Variants in BEAN1 observed in about 807,000 individuals in gnomAD.
The protein encoded by BEAN1 is protein BEAN1.
Under a neutral mutation model 17.7 loss-of-function variants are expected in BEAN1, and 17 were observed. The observed-to-expected ratio is 0.96, with a 90% CI of 0.66 to 1.44. The LOEUF is 1.44. Ranked by LOEUF, BEAN1 falls within the 40% of genes most tolerant of loss-of-function variation. The pLI is 0.00. For missense variants in BEAN1, 359 were observed against 374.1 expected (o/e 0.96, Z 0.33); for synonymous variants, 142 against 151.8 (o/e 0.94, Z 0.47).
At chr16:66,453,251 A>C (rs2142402856) in intron 2 of BEAN1, among the ~76,000 whole-genome samples, 1 of 151,890 alleles carries the variant, frequency 6.6e-6, no homozygotes, top group East Asian at 1.9e-4. Flanking sequence ...TTCTAATATA[A>C]GTATTTAAAG....
chr16:66,480,846 CAGACCCAGGGCCA>C lies in BEAN1; in HGVS notation c.704_716del (p.Asp235GlyfsTer40). ...TCAGGCCTGCTGCCACTGCCGGGCC[CAGACCCAGGGCCA>C]AGGGGCTCCCAGGGCTCACCCACCC... On this transcript the variant is annotated frameshift_variant, in exon 5 of 5. Transcript: ENST00000536005. LOFTEE classifies it low-confidence loss of function (END_TRUNC). The C allele has an allele frequency of 6.6e-7, 1 of 1,520,848 alleles. No homozygotes were observed. The highest frequency in any genetic ancestry group is 1.2e-5 in the South Asian group (1 of 80,368). The allele number at this position is 1,520,848 out of a possible 1,614,324, so 94.2% of individuals were successfully genotyped here.
intron 2 of BEAN1, among the ~76,000 whole-genome samples, chr16:66,461,752 G>C (rs139111723): frequency 2.0e-5 from 3 of 152,136 alleles, no homozygotes; most frequent in Admixed American, 6.5e-5. Flanking sequence ...GAGCCCCATC[G>C]GGGACAAGAC....
chr16:66,488,329 G>A (rs960269966), intron 4 of BEAN1, among the ~76,000 whole-genome samples: 5 of 152,046 alleles, frequency 3.3e-5, no homozygotes, highest in African/African-American at 1.2e-4. Context: ...AAAACTGCCT[G>A]GGGTCGAAGA....
chr16:66,470,045 G>A (rs1322360614), intron 3 of BEAN1, 180 bp downstream of exon 3: 3 of 827,028 alleles, frequency 3.6e-6, no homozygotes, highest in Non-Finnish European at 5.5e-6. Context: ...TCGGTGACAT[G>A]AGAGGCCCGG....
At chr16:66,448,085 C>T (rs1018356238) in intron 2 of BEAN1, among the ~76,000 whole-genome samples, 1 of 152,160 alleles carries the variant, frequency 6.6e-6, no homozygotes, top group African/African-American at 2.4e-5. Context: ...ACAGTCAGAC[C>T]AGCAAAACTT....
At chr16:66,441,208 C>T (rs564075481) in intron 2 of BEAN1, among the ~76,000 whole-genome samples, 2 of 152,152 alleles carry the variant, frequency 1.3e-5, no homozygotes, top group South Asian at 2.1e-4. Flanking sequence ...ACTGAACAAG[C>T]GAATGAGTCA....
chr16:66,481,049 T>A lies in BEAN1; in HGVS notation c.*124T>A. ...TCATAACACACACATAGACCAAACT[T>A]GTATACACACAGACATCTACACTGA... On this transcript the variant is annotated 3_prime_UTR_variant, in exon 5 of 5. Transcript: ENST00000536005. The surrounding 1 kb of genome is among the most constrained non-coding windows in gnomAD (Gnocchi z 4.1). 1.4e-6 allele frequency: 1 copy of A among 718,374 alleles called. No homozygotes were observed. Among genetic ancestry groups the A allele is most frequent in the Non-Finnish European group, 2.1e-6 (1 of 479,810 alleles). 44.5% of individuals were successfully genotyped at this position (718,374 alleles called of 1,614,324 possible).
At chr16:66,461,428 G>A (rs573857789) in intron 2 of BEAN1, among the ~76,000 whole-genome samples, 8 of 152,300 alleles carry the variant, frequency 5.3e-5, no homozygotes, top group Non-Finnish European at 1.0e-4. Flanking sequence ...CGCCCATCTG[G>A]TAATGAGCCT....
chr16:66,491,010 A>C (rs8050075), intron 4 of BEAN1, among the ~76,000 whole-genome samples: 22,622 of 152,138 alleles, frequency 0.15, 3,071 homozygotes, highest in African/African-American at 0.33. Flanking sequence ...ACAGGACTCT[A>C]TCCTCCATAT....
exon 5 of BEAN1, chr16:66,493,328 G>C: frequency 1.4e-6 from 1 of 692,024 alleles, no homozygotes; most frequent in Non-Finnish European, 2.6e-6. Flanking sequence ...GGTGGGGTCC[G>C]AGACGGCCCT....
rs1270425206 is a variant in BEAN1 at position 66,473,031 on chromosome 16, A to T, written c.289+3166A>T. 1.3e-5 allele frequency among the ~76,000 whole-genome samples: 2 copies of T among 152,048 alleles called. No individual in the cohort carries two copies. Among genetic ancestry groups the T allele is most frequent in the East Asian group, 1.9e-4 (1 of 5,182 alleles). On this transcript the variant is annotated intron_variant, in intron 3 of 4. Coordinates refer to ENST00000536005, the MANE Select transcript of BEAN1 (RefSeq NM_001178020.3). The surrounding 1 kb of genome is among the most constrained non-coding windows in gnomAD (Gnocchi z 4.5). The stretch of plus-strand genomic sequence containing the variant: ...AGAGAGACCCTGTCTCTAAAAAAAT[A>T]AAAAAATTAAGACTGGGAAACTGAG...
At position 66,439,548 on chromosome 16, in the gene BEAN1, C is replaced by T. The variant is rs556325455; in HGVS notation, c.25+1847C>T. 2.5e-3 allele frequency among the ~76,000 whole-genome samples: 374 copies of T among 152,282 alleles called. 1 individual carries two copies. Among genetic ancestry groups the T allele is most frequent in the African/African-American group, 8.8e-3 (365 of 41,564 alleles). ...AGGCCATTGGAAGCTGGGTCCATCT[C>T]ACTAACAGAGGCCATCCCTGCAGGG... On this transcript the variant is annotated intron_variant, in intron 2 of 4. Coordinates refer to ENST00000536005, the MANE Select transcript of BEAN1 (RefSeq NM_001178020.3).
intron 2 of BEAN1, among the ~76,000 whole-genome samples, chr16:66,468,683 G>A (rs1963349605): frequency 6.6e-6 from 1 of 152,140 alleles, no homozygotes; most frequent in Non-Finnish European, 1.5e-5. Context: ...TAAGTTGCAG[G>A]GCTGAGTTGG....
chr16:66,463,684 G>A (rs963821804), intron 2 of BEAN1, among the ~76,000 whole-genome samples: 7 of 152,088 alleles, frequency 4.6e-5, no homozygotes, highest in African/African-American at 1.2e-4. Flanking sequence ...TTCTGGTGTC[G>A]TATCTAAGAA....
chr16:66,428,780 G>A (rs181055301), intron 1 of BEAN1, among the ~76,000 whole-genome samples: 1 of 152,326 alleles, frequency 6.6e-6, no homozygotes, highest in Non-Finnish European at 1.5e-5. Flanking sequence ...CAGTGCCTCT[G>A]AATCTGAAGT....
At chr16:66,470,154 G>A (rs1463848874) in intron 3 of BEAN1, 1 of 520,454 alleles carries the variant, frequency 1.9e-6, no homozygotes, top group East Asian at 3.2e-5. Context: ...ACCAAGGGCT[G>A]GTCCATCTGG....
At chr16:66,466,102 C>T (rs1250507429) in intron 2 of BEAN1, among the ~76,000 whole-genome samples, 1 of 152,208 alleles carries the variant, frequency 6.6e-6, no homozygotes, top group East Asian at 1.9e-4. Flanking sequence ...GTGTGAGCCA[C>T]CGCAGCCGGC....
Position 66,437,702 on chromosome 16 carries a change from G to C in BEAN1, c.25+1G>C, listed in dbSNP as rs1310902973. 7 of 1,535,674 alleles carry C rather than the reference G, an allele frequency of 4.6e-6. No homozygotes were observed. The South Asian group carries it at 8.3e-5, about 18-fold the overall frequency. The stretch of plus-strand genomic sequence containing the variant: ...ATGTCCTTCAAACGTCCCTGCCCCT[G>C]TAAGTTTCCTCCCCACATCCTTCCA... On this transcript the variant is annotated splice_donor_variant, in intron 2 of 4. Coordinates refer to ENST00000536005, the MANE Select transcript of BEAN1 (RefSeq NM_001178020.3). LOFTEE classifies it high-confidence loss of function.
intron 4 of BEAN1, among the ~76,000 whole-genome samples, chr16:66,487,905 C>T (rs977642868): frequency 2.0e-5 from 3 of 152,176 alleles, no homozygotes; most frequent in Non-Finnish European, 2.9e-5. Context: ...CAGGTTCTCA[C>T]GAAATCAGTC....
Sources: allele counts gnomAD v4.1 joint callset (sites outside exome capture counted in the v4.1 genomes callset), GRCh38; gene constraint gnomAD v4.1.1; non-coding constraint Gnocchi (gnomAD v3.1); transcripts MANE v1.5; gene names NCBI Gene and HGNC (gene_info 2026-07-23, HGNC 2026-07-21).